The following IL17RA variants were observed in gnomAD, a reference collection of about 807,000 sequenced individuals.
IL17RA encodes the protein interleukin 17 receptor A.
IL17RA carries 34 observed loss-of-function variants against 50.4 expected under a neutral mutation model. The ratio of observed to expected loss-of-function variants is 0.67; its 90% confidence interval spans 0.51 to 0.90. The LOEUF (loss-of-function observed/expected upper bound fraction) is 0.90, where lower values mean the gene tolerates loss of function less well. Ranked by LOEUF, IL17RA falls within the 40% of genes least tolerant of loss-of-function variation. The pLI is 0.00. For synonymous variants in IL17RA, 585 were observed against 510.4 expected (o/e 1.15, Z -1.97); for missense variants, 1,276 against 1,169.8 (o/e 1.09, Z -1.32).
Position 17,109,694 on chromosome 22 carries a change from C to T in IL17RA, c.2475C>T (p.Ala825=). The T allele has an allele frequency of 1.3e-6, 2 of 1,595,764 alleles. No homozygotes were observed. The highest frequency in any genetic ancestry group is 1.7e-6 in the Non-Finnish European group (2 of 1,172,126). Residue 825 remains alanine (A), a synonymous_variant, in exon 13 of 13, where the codon GCC becomes GCT. Transcript: ENST00000319363. ...EEEEQDPGKP[A]LPLSPEDLES... The stretch of plus-strand genomic sequence containing the variant: ...AGGAGCAGGACCCAGGGAAGCCGGC[C>T]CTGCCACTCTCTCCCGAGGACCTGG...
intron 1 of IL17RA, among the ~76,000 whole-genome samples, chr22:17,095,736 A>T (rs2061366110): frequency 6.6e-6 from 1 of 151,608 alleles, no homozygotes; most frequent in African/African-American, 2.4e-5. Context: ...TTTGTTGGGA[A>T]CATGTGCGGA....
At chr22:17,101,401 C>T (rs1410341589) in intron 5 of IL17RA, among the ~76,000 whole-genome samples, 3 of 152,180 alleles carry the variant, frequency 2.0e-5, no homozygotes, top group Non-Finnish European at 4.4e-5. Context: ...TTTATGTCAC[C>T]GCGTGTGGCT....
Position 17,110,076 on chromosome 22 carries a change from A to G in IL17RA, c.*256A>G, listed in dbSNP as rs1601351562. On this transcript the variant is annotated 3_prime_UTR_variant, in exon 13 of 13. Coordinates refer to ENST00000319363, the MANE Select transcript of IL17RA (RefSeq NM_014339.7). The stretch of plus-strand genomic sequence containing the variant: ...AATGGTAGAGCGTCCTTGAGGCTCC[A>G]TTATTCGTTCATTCAGCATTTATTG... 9.2e-6 allele frequency: 5 copies of G among 543,226 alleles called. No homozygotes were observed. Among genetic ancestry groups the G allele is most frequent in the South Asian group, 2.1e-5 (1 of 48,344 alleles). The allele number at this position is 543,226 out of a possible 1,614,324, so 33.7% of individuals were successfully genotyped here. A position where few individuals can be genotyped will look rare whatever the true frequency, so the allele number is the denominator to read the frequency against.
chr22:17,103,471 C>A, intron 7 of IL17RA, 23 bp from the exon 8 acceptor site: 1 of 1,607,264 alleles, frequency 6.2e-7, no homozygotes. Flanking sequence ...ACTAGCCTTA[C>A]CCATCCTCGC....
intron 9 of IL17RA, 140 bp from the exon 10 acceptor site, chr22:17,105,451 A>G (rs1212927414): frequency 8.1e-6 from 7 of 863,926 alleles, no homozygotes; most frequent in South Asian, 4.0e-5. Flanking sequence ...AGATGGTTTC[A>G]TTAAGTTCAA....
chr22:17,097,169 C>A, intron 2 of IL17RA, 83 bp downstream of exon 2: 1 of 1,305,858 alleles, frequency 7.7e-7, no homozygotes, highest in Non-Finnish European at 1.1e-6. Flanking sequence ...AGAAGTCTTG[C>A]CATGCCACTC....
At chr22:17,098,226 A>G (rs2061375619) in intron 3 of IL17RA, among the ~76,000 whole-genome samples, 1 of 152,224 alleles carries the variant, frequency 6.6e-6, no homozygotes. Flanking sequence ...TAATTTTGTG[A>G]CTACAGTACC....
chr22:17,107,239 A>T (rs1360357010), intron 11 of IL17RA, among the ~76,000 whole-genome samples: 1 of 152,160 alleles, frequency 6.6e-6, no homozygotes, highest in Admixed American at 6.5e-5. Context: ...TTCTGTAAAG[A>T]CACTTCTGGG....
intron 8 of IL17RA, 65 bp downstream of exon 8, chr22:17,103,642 A>T (rs1247655474): frequency 3.2e-6 from 4 of 1,238,876 alleles, no homozygotes; most frequent in Non-Finnish European, 4.6e-6. Flanking sequence ...AGTGGACAGG[A>T]GTGAGGAGTG....
intron 5 of IL17RA, among the ~76,000 whole-genome samples, chr22:17,101,600 T>G (rs140755179): frequency 6.6e-6 from 1 of 152,232 alleles, no homozygotes; most frequent in Non-Finnish European, 1.5e-5. Flanking sequence ...CAGTTCTCGC[T>G]TCTGTTCCTA....
Position 17,109,211 on chromosome 22 carries a change from C to G in IL17RA, c.1992C>G (p.Pro664=), listed in dbSNP as rs1416867943. 2.0e-6 allele frequency: 3 copies of G among 1,502,736 alleles called. No homozygotes were observed. Among genetic ancestry groups the G allele is most frequent in the East Asian group, 2.5e-5 (1 of 40,704 alleles). The allele number at this position is 1,502,736 out of a possible 1,614,324, so 93.1% of individuals were successfully genotyped here. Residue 664 remains proline (P), a synonymous_variant, in exon 13 of 13, where the codon CCC becomes CCG. Transcript: ENST00000319363. ...CCCGGGGTCAGCCAGCGCCGCAGCCCCTCCACACCCTGGTGCTCGCCGCAG... is the reference window on the plus strand; with the variant it reads ...CCCGGGGTCAGCCAGCGCCGCAGCCGCTCCACACCCTGGTGCTCGCCGCAG... ...LQPRGQPAPQ[P]LHTLVLAAEE...
chr22:17,092,812 T>A (rs2061352640), intron 1 of IL17RA, among the ~76,000 whole-genome samples: 1 of 152,246 alleles, frequency 6.6e-6, no homozygotes, highest in South Asian at 2.1e-4. Context: ...ATATTTTGTT[T>A]CCTAAATTGA....
Position 17,104,820 on chromosome 22 carries a change from A to C in IL17RA, c.931+10A>C, listed in dbSNP as rs1418844353. The C allele has an allele frequency of 6.2e-7, 1 of 1,613,530 alleles. No individual in the cohort carries two copies. Among genetic ancestry groups the C allele is most frequent in the Non-Finnish European group, 8.5e-7 (1 of 1,179,586 alleles). ...ATGCCAGACACTCCAGGTAGGGGAC[A>C]TGCGGCTGTCCTAGGCCATACTGGG... On this transcript the variant is annotated intron_variant, in intron 9 of 12. Coordinates refer to ENST00000319363, the MANE Select transcript of IL17RA (RefSeq NM_014339.7).
chr22:17,097,698 C>A, intron 2 of IL17RA, 99 bp from the exon 3 acceptor site: 3 of 1,471,252 alleles, frequency 2.0e-6, no homozygotes, highest in East Asian at 4.6e-5. Flanking sequence ...AGGCCGCGGG[C>A]CCCTGAGCTG....
intron 7 of IL17RA, among the ~76,000 whole-genome samples, chr22:17,102,786 C>CA (rs1167055081): frequency 6.6e-6 from 1 of 151,860 alleles, no homozygotes; most frequent in Non-Finnish European, 1.5e-5. Flanking sequence ...CTCTGGGGGA[C>CA]AGAGCGAGAC....
chr22:17,102,099 G>T (rs1555874087), intron 6 of IL17RA, 40 bp from the exon 7 acceptor site: 8 of 1,614,094 alleles, frequency 5.0e-6, no homozygotes, highest in Non-Finnish European at 6.8e-6. Context: ...ACATGTGCGT[G>T]CCCCTCCTCA....
At chr22:17,094,703 A>G (rs866215601) in intron 1 of IL17RA, among the ~76,000 whole-genome samples, 9 of 65,850 alleles carry the variant, frequency 1.4e-4, no homozygotes, top group African/African-American at 1.8e-4. Flanking sequence ...ATATATATAT[A>G]TATATATATA....
chr22:17,086,841 G>A (rs1221301618), intron 1 of IL17RA, among the ~76,000 whole-genome samples: 1 of 152,238 alleles, frequency 6.6e-6, no homozygotes. Flanking sequence ...AGGGTACGGT[G>A]TGTGGCCGGA....
Position 17,115,592 on chromosome 22 carries a change from A to AT in IL17RA, c.*5772_*5773insT. ...ACTGGCTGCCTCTGTGCTAAGAAAA[A>AT]AAAAAAATCACTGTGTGTTTGTTTA... On this transcript the variant is annotated 3_prime_UTR_variant, in exon 13 of 13. Coordinates refer to ENST00000319363, the MANE Select transcript of IL17RA (RefSeq NM_014339.7). 2 of 151,908 alleles carry AT rather than the reference A, an allele frequency of 1.3e-5. No homozygotes were observed. The highest frequency in any genetic ancestry group is 4.2e-4 in the South Asian group (2 of 4,800). 9.4% of individuals were successfully genotyped at this position (151,908 alleles called of 1,614,324 possible).
Sources: allele counts gnomAD v4.1 joint callset (sites outside exome capture counted in the v4.1 genomes callset), GRCh38; gene constraint gnomAD v4.1.1; transcripts MANE v1.5; gene names NCBI Gene and HGNC (gene_info 2026-07-23, HGNC 2026-07-21).